The following MAP3K13 variants were observed in gnomAD, a reference collection of about 807,000 sequenced individuals.
MAP3K13 encodes the protein leucine zipper-bearing kinase.
In MAP3K13, 52 loss-of-function variants were observed where a neutral mutation model predicts 104.0. The ratio of observed to expected loss-of-function variants is 0.50; its 90% confidence interval spans 0.40 to 0.63. The LOEUF (loss-of-function observed/expected upper bound fraction) is 0.63. MAP3K13 is among the 20% of genes least tolerant of loss of function. The pLI is 0.00. For synonymous variants in MAP3K13, 394 were observed against 442.2 expected (o/e 0.89, Z 1.37); for missense variants, 914 against 1,218.5 (o/e 0.75, Z 3.72).
chr3:185,451,183 T>TA, intron 6 of MAP3K13, 104 bp from the exon 7 acceptor site: 1 of 723,724 alleles, frequency 1.4e-6, no homozygotes, highest in Non-Finnish European at 2.3e-6. Context: ...TTTACTCAGA[T>TA]ATAGCCATTT....
chr3:185,350,373 G>A (rs1177658313), intron 2 of MAP3K13, among the ~76,000 whole-genome samples: 1 of 152,152 alleles, frequency 6.6e-6, no homozygotes, highest in African/African-American at 2.4e-5. Context: ...TTTTAGTAGA[G>A]ACTGGGTTTC....
In MAP3K13 at chr3:185,291,555, C is replaced by T. The variant is rs1337662873; in HGVS notation, c.-86+5912C>T. 5 of 1,445,108 alleles carry T rather than the reference C, an allele frequency of 3.5e-6. No homozygotes were observed. In the East Asian group the frequency reaches 7.6e-5, roughly 22 times the overall value. 89.5% of individuals were successfully genotyped at this position (1,445,108 alleles called of 1,614,324 possible). ...GACCCAAAAGTAGTTTTTAATTTCC[C>T]TTAAAAAAATTATTAGACTTGTAGT... On this transcript the variant is annotated intron_variant, in intron 2 of 14. Coordinates refer to the MAP3K13 transcript ENST00000424227.
chr3:185,413,157 A>G (rs918915475), intron 1 of MAP3K13, among the ~76,000 whole-genome samples: 4 of 152,244 alleles, frequency 2.6e-5, no homozygotes, highest in Non-Finnish European at 4.4e-5. Flanking sequence ...TAAATCATTC[A>G]CAAATATTAC....
At chr3:185,472,069 G>C (rs1056839134) in intron 10 of MAP3K13, among the ~76,000 whole-genome samples, 1 of 152,138 alleles carries the variant, frequency 6.6e-6, no homozygotes, top group African/African-American at 2.4e-5. Flanking sequence ...TGTCTATTGA[G>C]TTGGCTATTG....
intron 2 of MAP3K13, among the ~76,000 whole-genome samples, chr3:185,287,484 G>A (rs1720562910): frequency 6.6e-6 from 1 of 152,144 alleles, no homozygotes; most frequent in South Asian, 2.1e-4. Flanking sequence ...TGGGAATGCA[G>A]CAGAAAATTC....
intron 3 of MAP3K13, among the ~76,000 whole-genome samples, chr3:185,440,961 C>G (rs540434230): frequency 5.1e-4 from 78 of 152,316 alleles, no homozygotes; most frequent in African/African-American, 1.8e-3. Flanking sequence ...TATGATCATT[C>G]CCTTTTATGA....
chr3:185,346,338 A>C (rs141084552), intron 2 of MAP3K13, among the ~76,000 whole-genome samples: 280 of 152,338 alleles, frequency 1.8e-3, no homozygotes, highest in African/African-American at 6.4e-3. Flanking sequence ...GTCTCTCTAT[A>C]TCCAGAGATA....
At chr3:185,321,902 C>G (rs1464935260) in intron 2 of MAP3K13, among the ~76,000 whole-genome samples, 1 of 152,230 alleles carries the variant, frequency 6.6e-6, no homozygotes, top group Non-Finnish European at 1.5e-5. Context: ...CCACGCCCGG[C>G]CGTGACTGAG....
intron 1 of MAP3K13, among the ~76,000 whole-genome samples, chr3:185,368,495 C>A (rs1415332551): frequency 1.3e-5 from 2 of 152,136 alleles, no homozygotes; most frequent in Non-Finnish European, 2.9e-5. Context: ...AGTGTTGGCA[C>A]AGCAGGTGCA....
chr3:185,429,263 G>C (rs191020091), intron 2 of MAP3K13, among the ~76,000 whole-genome samples: 9 of 152,304 alleles, frequency 5.9e-5, no homozygotes, highest in Admixed American at 5.2e-4. Context: ...CCCATCTTTT[G>C]TGGTCATCCA....
intron 1 of MAP3K13, among the ~76,000 whole-genome samples, chr3:185,283,699 T>C (rs1242554761): frequency 1.3e-5 from 2 of 152,156 alleles, no homozygotes; most frequent in African/African-American, 4.8e-5. Flanking sequence ...TGTGTCTTAG[T>C]ATTCTTATCC....
In MAP3K13 at chr3:185,486,811, T is replaced by C. The variant is rs1718737954; in HGVS notation, c.*4355T>C. 6.6e-6 allele frequency: 1 copy of C among 152,206 alleles called. No individual in the cohort carries two copies. Among genetic ancestry groups the C allele is most frequent in the South Asian group, 2.1e-4 (1 of 4,836 alleles). The allele number at this position is 152,206 out of a possible 1,614,324, so 9.4% of individuals were successfully genotyped here. A position where few individuals can be genotyped will look rare whatever the true frequency, so the allele number is the denominator to read the frequency against. On this transcript the variant is annotated 3_prime_UTR_variant, in exon 14 of 14. Transcript: ENST00000265026. Reference sequence around the variant, plus strand: ...CTCTGGATAACAGTTCCTTTTAAAATTGCTTTGCAGAGGGGCTGAGAAGCC... The same window carrying C: ...CTCTGGATAACAGTTCCTTTTAAAACTGCTTTGCAGAGGGGCTGAGAAGCC...
chr3:185,352,174 G>A (rs950505076), intron 2 of MAP3K13, among the ~76,000 whole-genome samples: 11 of 152,226 alleles, frequency 7.2e-5, no homozygotes, highest in African/African-American at 2.4e-4. Flanking sequence ...GCCGGGCGCG[G>A]TGGCTCACTC....
rs1263186153 is a variant in MAP3K13, at chr3:185,428,557, G to T, written c.-25G>T. The stretch of plus-strand genomic sequence containing the variant: ...CAAAAATCTTCTGAGTGTCATCTCA[G>T]GACTTTGGTTATACTCATGGCACGA... On this transcript the variant is annotated 5_prime_UTR_variant, in exon 2 of 14. The change creates a new upstream start codon in the 5' untranslated region. Coordinates refer to ENST00000265026, the MANE Select transcript of MAP3K13 (RefSeq NM_004721.5). The T allele has an allele frequency of 2.6e-6, 4 of 1,540,830 alleles. No individual in the cohort carries two copies. In the South Asian group the frequency reaches 5.1e-5, roughly 20 times the overall value.
At chr3:185,469,046 G>C (rs1454671493) in intron 10 of MAP3K13, among the ~76,000 whole-genome samples, 3 of 152,220 alleles carry the variant, frequency 2.0e-5, no homozygotes, top group Non-Finnish European at 4.4e-5. Context: ...ACACGAGGAA[G>C]GCAACCTGCA....
intron 7 of MAP3K13, among the ~76,000 whole-genome samples, chr3:185,459,148 A>AC (rs1374530184): frequency 2.0e-5 from 3 of 152,076 alleles, no homozygotes; most frequent in Admixed American, 6.6e-5. Context: ...TTGCGGAGAC[A>AC]CCCCAACTGT....
chr3:185,416,484 A>G (rs937940644), intron 1 of MAP3K13, among the ~76,000 whole-genome samples: 1 of 151,898 alleles, frequency 6.6e-6, no homozygotes, highest in Non-Finnish European at 1.5e-5. Context: ...AGGCTTAGAG[A>G]GAGTTATGGC....
At chr3:185,373,615 C>T (rs1724266311) in intron 1 of MAP3K13, among the ~76,000 whole-genome samples, 1 of 152,146 alleles carries the variant, frequency 6.6e-6, no homozygotes, top group Non-Finnish European at 1.5e-5. Flanking sequence ...GCACTCCAGC[C>T]TGGGTGACAG....
chr3:185,445,084 GA>G (rs34306653), intron 4 of MAP3K13, among the ~76,000 whole-genome samples: 123,000 of 151,956 alleles, frequency 0.81, 50,988 homozygotes, highest in East Asian at 0.91. Context: ...ATCTTAGGGG[GA>G]ATCCATTATC....
Sources: allele counts gnomAD v4.1 joint callset (sites outside exome capture counted in the v4.1 genomes callset), GRCh38; gene constraint gnomAD v4.1.1; transcripts MANE v1.5; gene names NCBI Gene and HGNC (gene_info 2026-07-23, HGNC 2026-07-21).